The following LARGE1 variants were observed in gnomAD, a reference collection of about 807,000 sequenced individuals.
LARGE1 encodes xylosyl- and glucuronyltransferase LARGE1.
A neutral mutation model predicts 87.6 loss-of-function variants in LARGE1; 43 were observed. The observed-to-expected ratio is 0.49, with a 90% confidence interval of 0.38 to 0.63. LARGE1 has a LOEUF of 0.63. Among genes scored for constraint, LARGE1 ranks in the 30% least tolerant of loss-of-function variants. The pLI, the probability that LARGE1 is intolerant of heterozygous loss-of-function variation, is 0.00. For missense variants in LARGE1, 802 were observed against 1,000.2 expected, an observed-to-expected ratio of 0.80 and a Z score of 2.67; for synonymous variants, 434 against 394.6, an observed-to-expected ratio of 1.10 and a Z score of -1.18.
intron 13 of LARGE1, among the ~76,000 whole-genome samples, chr22:33,280,220 C>T (rs900339733): frequency 4.7e-5 from 7 of 147,698 alleles, no homozygotes; most frequent in South Asian, 2.1e-4. Context: ...CTTGGCAAAA[C>T]GGACACAGCA....
chr22:33,256,243 T>C (rs1927258901), intron 11 of LARGE1, among the ~76,000 whole-genome samples: 1 of 152,240 alleles, frequency 6.6e-6, no homozygotes, highest in Non-Finnish European at 1.5e-5. Context: ...TCAGGCATGG[T>C]ATGAGTACCA....
At position 33,453,207 on chromosome 22, in the gene LARGE1, G is replaced by A. The variant is rs548418122; in HGVS notation, c.788-20942C>T. On this transcript the variant is annotated intron_variant, in intron 6 of 14. Transcript: ENST00000397394. ...CGAGGCGGGTGGATTATGAAGTCAC[G>A]AGTTCGAGACCAGCCTGGCCAATAT... Among the ~76,000 whole-genome samples, 50 of 152,292 alleles carry A rather than the reference G, an allele frequency of 3.3e-4. 1 individual carries two copies. Among genetic ancestry groups the A allele is most frequent in the South Asian group, 1.5e-3 (7 of 4,822 alleles).
chr22:33,179,474 C>T (rs1157354633), intron 11 of LARGE1, among the ~76,000 whole-genome samples: 2 of 152,170 alleles, frequency 1.3e-5, no homozygotes, highest in African/African-American at 2.4e-5. Flanking sequence ...TGAAAATTTA[C>T]ATGGCTTCAT....
intron 2 of LARGE1, among the ~76,000 whole-genome samples, chr22:33,712,566 A>G (rs1332440192): frequency 6.6e-6 from 1 of 152,008 alleles, no homozygotes; most frequent in Non-Finnish European, 1.5e-5. Context: ...TCAAGAGACG[A>G]AAGAAATGGG....
intron 1 of LARGE1, among the ~76,000 whole-genome samples, chr22:33,882,352 A>G (rs1172253593): frequency 6.6e-6 from 1 of 152,114 alleles, no homozygotes; most frequent in African/African-American, 2.4e-5. Context: ...CTTCTATGAA[A>G]TGAAAAAAGG....
chr22:33,578,709 C>T lies in LARGE1; in HGVS notation c.616-13690G>A, dbSNP rs369019312. Among the ~76,000 whole-genome samples, 33 of 152,182 alleles carry T rather than the reference C, an allele frequency of 2.2e-4. No homozygotes were observed. In the South Asian group the frequency reaches 5.6e-3, roughly 26 times the overall value. ...TTTGCCTCTTTCCAAAAACCTTAAT[C>T]GTTTTTGGAAATGGATTCAAATATG... On this transcript the variant is annotated intron_variant, in intron 5 of 14. Coordinates refer to ENST00000397394, the MANE Select transcript of LARGE1 (RefSeq NM_133642.5).
At chr22:33,639,821 A>C (rs901858955) in intron 3 of LARGE1, among the ~76,000 whole-genome samples, 1 of 152,374 alleles carries the variant, frequency 6.6e-6, no homozygotes, top group African/African-American at 2.4e-5. Flanking sequence ...AGGCACACAG[A>C]GGCCAGGCCA....
chr22:33,878,984 C>A, intron 1 of LARGE1, among the ~76,000 whole-genome samples: 1 of 128,046 alleles, frequency 7.8e-6, no homozygotes, highest in East Asian at 2.3e-4. Flanking sequence ...CTTCTTCTTC[C>A]TTTTTTTTTT....
the LARGE1 span, among the ~76,000 whole-genome samples, chr22:33,083,838 G>A: frequency 6.6e-6 from 1 of 152,244 alleles, no homozygotes; most frequent in South Asian, 2.1e-4. Flanking sequence ...GAAACAGATT[G>A]GGAAAGGAAA....
chr22:33,268,076 C>T (rs1928048392), downstream of LARGE1, among the ~76,000 whole-genome samples: 1 of 151,236 alleles, frequency 6.6e-6, no homozygotes, highest in African/African-American at 2.5e-5. Context: ...CTCTCAGCCT[C>T]CCGAGTAGCT....
At chr22:33,662,705 G>C (rs563069827) in intron 2 of LARGE1, among the ~76,000 whole-genome samples, 1 of 152,060 alleles carries the variant, frequency 6.6e-6, no homozygotes, top group Admixed American at 6.5e-5. Context: ...GGCATGAGTA[G>C]CTGCCATCCA....
intron 7 of LARGE1, among the ~76,000 whole-genome samples, chr22:33,419,241 C>T (rs918980496): frequency 6.6e-5 from 10 of 151,994 alleles, no homozygotes; most frequent in Middle Eastern, 3.2e-3. Flanking sequence ...AGGGGAACCA[C>T]CCCCATAATG....
intron 1 of LARGE1, among the ~76,000 whole-genome samples, chr22:33,877,592 C>T (rs2064507626): frequency 6.6e-6 from 1 of 152,080 alleles, no homozygotes; most frequent in Non-Finnish European, 1.5e-5. Context: ...CTACAGAACA[C>T]TTGAAATGTG....
chr22:33,743,772 T>C (rs1197779226), intron 2 of LARGE1, among the ~76,000 whole-genome samples: 2 of 152,222 alleles, frequency 1.3e-5, no homozygotes, highest in African/African-American at 2.4e-5. Flanking sequence ...ACTTGTCACA[T>C]GGCTATTTAG....
intron 1 of LARGE1, among the ~76,000 whole-genome samples, chr22:33,907,722 G>A (rs1410221396): frequency 6.6e-6 from 1 of 152,080 alleles, no homozygotes; most frequent in Non-Finnish European, 1.5e-5. Context: ...AGCCTCCTGA[G>A]TAGGTGGGAC....
chr22:33,786,162 C>A (rs2085634902), intron 1 of LARGE1, among the ~76,000 whole-genome samples: 1 of 152,126 alleles, frequency 6.6e-6, no homozygotes. Flanking sequence ...TATTCAGGTG[C>A]TGGGAAGACA....
At chr22:33,852,641 G>A (rs1274555246) in intron 1 of LARGE1, among the ~76,000 whole-genome samples, 1 of 151,972 alleles carries the variant, frequency 6.6e-6, no homozygotes, top group Non-Finnish European at 1.5e-5. Flanking sequence ...GAACTCAGGA[G>A]TTCGAGACCA....
At chr22:33,887,647 A>C (rs2064892093) in intron 1 of LARGE1, among the ~76,000 whole-genome samples, 1 of 152,030 alleles carries the variant, frequency 6.6e-6, no homozygotes, top group African/African-American at 2.4e-5. Context: ...CTGAGGCAGG[A>C]GAACTGCTTG....
the LARGE1 span, among the ~76,000 whole-genome samples, chr22:33,088,316 G>T: frequency 1.3e-5 from 2 of 152,172 alleles, no homozygotes; most frequent in South Asian, 4.2e-4. Context: ...AAATGACTGG[G>T]GTTGTAGTCC....
Sources: allele counts gnomAD v4.1 joint callset (sites outside exome capture counted in the v4.1 genomes callset), GRCh38; gene constraint gnomAD v4.1.1; transcripts MANE v1.5; gene names NCBI Gene and HGNC (gene_info 2026-07-23, HGNC 2026-07-21).